Variants in CYP2J2 observed in about 807,000 individuals in gnomAD.
CYP2J2 encodes the protein cytochrome P450 2J2.
In CYP2J2, 41 loss-of-function variants were observed where a neutral mutation model predicts 48.8. The ratio of observed to expected loss-of-function variants is 0.84; its 90% CI spans 0.66 to 1.09. The LOEUF (loss-of-function observed/expected upper bound fraction) is 1.09. CYP2J2 is among the 50% of genes least tolerant of loss of function. The pLI, the probability that CYP2J2 is intolerant of heterozygous loss-of-function variation, is 0.00. For synonymous variants in CYP2J2, 221 were observed against 227.1 expected, an observed-to-expected ratio of 0.97 and a Z score of 0.24; for missense variants, 644 against 617.3, an observed-to-expected ratio of 1.04 and a Z score of -0.46.
At chr1:59,962,901 T>A in the CYP2J2 span, among the ~76,000 whole-genome samples, 3 of 152,334 alleles carry the variant, frequency 2.0e-5, no homozygotes, top group African/African-American at 7.2e-5. Context: ...TTTGCAACCA[T>A]CCAGTTTCTG....
the CYP2J2 span, among the ~76,000 whole-genome samples, chr1:59,952,416 T>C: frequency 2.0e-5 from 3 of 151,564 alleles, no homozygotes; most frequent in African/African-American, 7.3e-5. Flanking sequence ...TGCTTAGCAA[T>C]GGCAGATTCA....
chr1:59,942,897 C>A, the CYP2J2 span, among the ~76,000 whole-genome samples: 45,487 of 152,004 alleles, frequency 0.3, 7,286 homozygotes, highest in African/African-American at 0.42. Context: ...GCATAACCAT[C>A]CTCTGAAGTA....
At chr1:59,959,892 C>T in the CYP2J2 span, among the ~76,000 whole-genome samples, 91 of 152,044 alleles carry the variant, frequency 6.0e-4, no homozygotes, top group African/African-American at 2.1e-3. Context: ...TTGGGGACTC[C>T]GGGGGAAGAG....
the CYP2J2 span, among the ~76,000 whole-genome samples, chr1:59,932,482 G>C: frequency 2.0e-5 from 3 of 152,052 alleles, no homozygotes; most frequent in Non-Finnish European, 4.4e-5. Flanking sequence ...TTTTATAAAA[G>C]TAAGTTCTAA....
At chr1:59,961,723 T>A in the CYP2J2 span, among the ~76,000 whole-genome samples, 12 of 152,088 alleles carry the variant, frequency 7.9e-5, no homozygotes, top group Admixed American at 2.0e-4. Flanking sequence ...AACCCAATTA[T>A]CCATCCACTA....
chr1:59,900,964 C>T lies in CYP2J2; in HGVS notation c.1330+1G>A. On this transcript the variant is annotated splice_donor_variant, in intron 8 of 8. Coordinates refer to ENST00000371204, the MANE Select transcript of CYP2J2 (RefSeq NM_000775.4). LOFTEE classifies it high-confidence loss of function. ...CCACACACCTGTTTACTACAACTTA[C>T]CTATTGAGAAAGGCATAAAGGCTTC... 6.2e-7 allele frequency: 1 copy of T among 1,613,630 alleles called. No individual in the cohort carries two copies. Among genetic ancestry groups the T allele is most frequent in the South Asian group, 1.1e-5 (1 of 91,044 alleles).
At chr1:59,923,651 G>T (rs1052887907) in intron 1 of CYP2J2, among the ~76,000 whole-genome samples, 3 of 152,050 alleles carry the variant, frequency 2.0e-5, no homozygotes, top group Admixed American at 6.6e-5. Context: ...AAATACAATA[G>T]AATAAATTTT....
At chr1:59,912,098 G>T in intron 3 of CYP2J2, 64 bp downstream of exon 3, 1 of 1,510,122 alleles carries the variant, frequency 6.6e-7, no homozygotes, top group Non-Finnish European at 8.9e-7. Context: ...TACTCACTTA[G>T]TAAGTATCTG....
At chr1:59,896,541 A>C (rs1644271247) in intron 8 of CYP2J2, among the ~76,000 whole-genome samples, 1 of 151,958 alleles carries the variant, frequency 6.6e-6, no homozygotes, top group African/African-American at 2.4e-5. Flanking sequence ...CCTTGTATAT[A>C]ACTTACCTCT....
the CYP2J2 span, among the ~76,000 whole-genome samples, chr1:59,946,431 CTTTA>C: frequency 2.0e-5 from 3 of 152,284 alleles, no homozygotes; most frequent in Non-Finnish European, 4.4e-5. Flanking sequence ...TTCTTTCCTA[CTTTA>C]TTTTTTTCTT....
At chr1:59,915,802 CT>C in intron 2 of CYP2J2, 135 bp downstream of exon 2, 1 of 758,276 alleles carries the variant, frequency 1.3e-6, no homozygotes, top group East Asian at 2.6e-5. Context: ...GAATATCCAG[CT>C]TTCTTTAGTG....
rs1185674996 is a variant in CYP2J2 at position 59,911,795 on chromosome 1, A to G, written c.524-27T>C. Reference sequence around the variant, plus strand: ...TGAAGGTGGAGGAAGGGCAAGATGGATCCTTCTGATGGATTTGTCTCCATT... The same window carrying G: ...TGAAGGTGGAGGAAGGGCAAGATGGGTCCTTCTGATGGATTTGTCTCCATT... On this transcript the variant is annotated intron_variant, in intron 3 of 8. Coordinates refer to ENST00000371204, the MANE Select transcript of CYP2J2 (RefSeq NM_000775.4). The G allele has an allele frequency of 6.9e-6, 11 of 1,603,616 alleles. No individual in the cohort carries two copies. In the African/African-American group the frequency reaches 1.2e-4, roughly 18 times the overall value.
chr1:59,935,484 G>A, the CYP2J2 span, among the ~76,000 whole-genome samples: 1 of 152,016 alleles, frequency 6.6e-6, no homozygotes, highest in African/African-American at 2.4e-5. Context: ...ACTTCATAAT[G>A]TATACCTATA....
chr1:59,911,816 C>A (rs776980681), intron 3 of CYP2J2, 48 bp from the exon 4 acceptor site: 1 of 1,568,570 alleles, frequency 6.4e-7, no homozygotes, highest in African/African-American at 1.4e-5. Context: ...GGATTTGTCT[C>A]CATTTCCTAC....
chr1:59,925,183 T>C (rs1644553691), intron 1 of CYP2J2, among the ~76,000 whole-genome samples: 1 of 152,174 alleles, frequency 6.6e-6, no homozygotes, highest in Admixed American at 6.5e-5. Flanking sequence ...GAGAAATAGA[T>C]ACTCTCAACT....
the CYP2J2 span, among the ~76,000 whole-genome samples, chr1:59,941,247 T>A: frequency 6.6e-6 from 1 of 152,212 alleles, no homozygotes. Context: ...CAGTCAGTGA[T>A]GGCCTGCCTA....
chr1:59,894,258 C>CA (rs1021181305), intron 8 of CYP2J2, among the ~76,000 whole-genome samples: 7 of 152,180 alleles, frequency 4.6e-5, no homozygotes, highest in Non-Finnish European at 8.8e-5. Flanking sequence ...AAATAAATGT[C>CA]AGAGCAGAGT....
At chr1:59,922,461 G>A (rs1045209162) in intron 1 of CYP2J2, among the ~76,000 whole-genome samples, 1 of 152,038 alleles carries the variant, frequency 6.6e-6, no homozygotes, top group Non-Finnish European at 1.5e-5. Flanking sequence ...AACTCCATTT[G>A]TTTTACACCC....
At chr1:59,905,383 A>G (rs1183046481) in intron 6 of CYP2J2, among the ~76,000 whole-genome samples, 4 of 152,226 alleles carry the variant, frequency 2.6e-5, no homozygotes, top group Non-Finnish European at 1.5e-5. Flanking sequence ...CTTACATAGT[A>G]GAAGGAGTGA....
Sources: allele counts gnomAD v4.1 joint callset (sites outside exome capture counted in the v4.1 genomes callset), GRCh38; gene constraint gnomAD v4.1.1; transcripts MANE v1.5; gene names NCBI Gene and HGNC (gene_info 2026-07-23, HGNC 2026-07-21).